The following ATP13A4 variants were observed in gnomAD, a reference collection of about 807,000 sequenced individuals.
ATP13A4 encodes probable cation-transporting ATPase 13A4.
ATP13A4 carries 114 observed loss-of-function variants against 142.5 expected under a neutral mutation model. That is an observed-to-expected ratio of 0.80 (90% CI 0.69 to 0.93). The LOEUF (loss-of-function observed/expected upper bound fraction) is 0.93, where lower values mean the gene tolerates loss of function less well. ATP13A4 is among the 40% of genes least tolerant of loss of function. The pLI is 0.00. For missense variants in ATP13A4, 1,392 were observed against 1,454.0 expected (o/e 0.96, Z 0.69); for synonymous variants, 488 against 514.8 (o/e 0.95, Z 0.70).
intron 1 of ATP13A4, among the ~76,000 whole-genome samples, chr3:193,534,259 C>T (rs1013687438): frequency 1.6e-4 from 24 of 152,160 alleles, no homozygotes; most frequent in Admixed American, 4.6e-4. Context: ...CAGAAGCTAA[C>T]GATGACATTA....
intron 2 of ATP13A4, among the ~76,000 whole-genome samples, chr3:193,561,559 T>C (rs1246047813): frequency 1.3e-5 from 2 of 152,200 alleles, no homozygotes; most frequent in East Asian, 1.9e-4. Context: ...GTACTGTACA[T>C]GTCGTTCAGT....
chr3:193,589,405 G>T (rs773395929), intron 1 of ATP13A4, among the ~76,000 whole-genome samples: 6 of 152,090 alleles, frequency 3.9e-5, no homozygotes, highest in Admixed American at 6.5e-5. Flanking sequence ...GGAACTTGGA[G>T]ATCTCCCAAG....
chr3:193,543,817 CT>C (rs1723074550), intron 1 of ATP13A4, among the ~76,000 whole-genome samples: 1 of 152,072 alleles, frequency 6.6e-6, no homozygotes, highest in African/African-American at 2.4e-5. Context: ...ATGTTTTTAC[CT>C]TTTGCATCTC....
chr3:193,441,337 C>T (rs529789692), intron 20 of ATP13A4, 129 bp downstream of exon 20: 77 of 1,187,024 alleles, frequency 6.5e-5, no homozygotes, highest in Non-Finnish European at 3.7e-6. Context: ...ATATCTGTCT[C>T]TCTTAAGATA....
Position 193,573,308 on chromosome 3 carries a change from C to CGTATATATATATATATATTCTTATAT in ATP13A4, n.291+8398_291+8399insATATAAGAATATATATATATATATAC, listed in dbSNP as rs1229145689. On this transcript the variant is annotated intron_variant and non_coding_transcript_variant, in intron 2 of 3. Coordinates refer to the ATP13A4 transcript ENST00000489140. ...ATATATACACATATATATATATATACATATATATATATATATATAATTTGT... is the reference window on the plus strand; with the variant it reads ...ATATATACACATATATATATATATACGTATATATATATATATATTCTTATATATATATATATATATATATAATTTGT... 2.1e-3 allele frequency among the ~76,000 whole-genome samples: 222 copies of CGTATATATATATATATATTCTTATAT among 103,654 alleles called. 4 individuals carry two copies. The highest frequency in any genetic ancestry group is 3.4e-3 in the Non-Finnish European group (185 of 55,214). 68.0% of individuals were successfully genotyped at this position (103,654 alleles called of 152,430 possible).
chr3:193,531,324 A>AGGGAAGGAAGAG (rs1722318494), intron 1 of ATP13A4, among the ~76,000 whole-genome samples: 1 of 118,130 alleles, frequency 8.5e-6, no homozygotes, highest in Non-Finnish European at 1.8e-5. Context: ...GGAAGGAAGG[A>AGGGAAGGAAGAG]AGGAAGGAAG....
intron 1 of ATP13A4, among the ~76,000 whole-genome samples, chr3:193,583,739 A>G (rs1489409648): frequency 1.3e-5 from 2 of 152,160 alleles, no homozygotes; most frequent in Non-Finnish European, 2.9e-5. Context: ...GAAAGCAATA[A>G]AAATAAGTAA....
At chr3:193,468,703 C>T (rs1718447804) in intron 9 of ATP13A4, among the ~76,000 whole-genome samples, 1 of 152,198 alleles carries the variant, frequency 6.6e-6, no homozygotes, top group African/African-American at 2.4e-5. Flanking sequence ...GCAGAGATCA[C>T]ACCACTGCAC....
chr3:193,472,494 G>A (rs1718682829), intron 8 of ATP13A4, among the ~76,000 whole-genome samples: 1 of 152,222 alleles, frequency 6.6e-6, no homozygotes, highest in African/African-American at 2.4e-5. Context: ...GTGAAAAGGT[G>A]AACGTTCTCG....
intron 23 of ATP13A4, among the ~76,000 whole-genome samples, chr3:193,437,632 C>T (rs1011449632): frequency 6.6e-6 from 1 of 152,042 alleles, no homozygotes; most frequent in Non-Finnish European, 1.5e-5. Flanking sequence ...CATCTCCAGG[C>T]TGTTTTGAAG....
At chr3:193,549,237 C>T (rs1207954695) in intron 1 of ATP13A4, among the ~76,000 whole-genome samples, 1 of 151,810 alleles carries the variant, frequency 6.6e-6, no homozygotes, top group South Asian at 2.1e-4. Context: ...TAATTCTAGG[C>T]CTTTACCTTA....
intron 29 of ATP13A4, chr3:193,403,716 A>G: frequency 1.0e-6 from 1 of 967,078 alleles, no homozygotes; most frequent in Non-Finnish European, 1.2e-6. Context: ...GTTATAACTT[A>G]TAATTCATGA....
At chr3:193,569,384 T>C (rs183258769) in intron 2 of ATP13A4, among the ~76,000 whole-genome samples, 3 of 152,314 alleles carry the variant, frequency 2.0e-5, no homozygotes, top group Non-Finnish European at 4.4e-5. Context: ...AAATGACAAC[T>C]AAATGCAACT....
chr3:193,542,472 A>G (rs370533291), intron 1 of ATP13A4, among the ~76,000 whole-genome samples: 2 of 152,080 alleles, frequency 1.3e-5, no homozygotes, highest in East Asian at 1.9e-4. Flanking sequence ...GAAAAAAACT[A>G]CTTTAAAATT....
chr3:193,412,051 G>T, intron 27 of ATP13A4, 127 bp downstream of exon 27: 2 of 833,498 alleles, frequency 2.4e-6, no homozygotes, highest in Non-Finnish European at 2.0e-6. Context: ...GTTTTGCAGA[G>T]TCCTAGAGTG....
At chr3:193,534,043 T>C (rs1722466656) in intron 1 of ATP13A4, among the ~76,000 whole-genome samples, 3 of 152,162 alleles carry the variant, frequency 2.0e-5, no homozygotes, top group Admixed American at 6.5e-5. Context: ...TGGGGAACAT[T>C]AGTGAGGCAT....
At chr3:193,575,986 G>A (rs1288209948) in intron 2 of ATP13A4, among the ~76,000 whole-genome samples, 5 of 152,134 alleles carry the variant, frequency 3.3e-5, no homozygotes, top group Non-Finnish European at 7.4e-5. Context: ...ATGGGGCAGG[G>A]AAGAAGGACA....
At chr3:193,530,255 C>T (rs1236770425) in intron 1 of ATP13A4, among the ~76,000 whole-genome samples, 1 of 151,662 alleles carries the variant, frequency 6.6e-6, no homozygotes, top group Non-Finnish European at 1.5e-5. Context: ...CAAATCCTGT[C>T]TCAACCTCAT....
chr3:193,551,886 C>T lies in ATP13A4; in HGVS notation c.60+2854G>A, dbSNP rs374852063. On this transcript the variant is annotated intron_variant, in intron 1 of 29. Coordinates refer to ENST00000342695, the MANE Select transcript of ATP13A4 (RefSeq NM_032279.4). Reference sequence around the variant, plus strand: ...TACCTTTGGGTCCTGTCTCATTTCGCAGTTAAAGATATTATTTTCAGGTCA... The same window carrying T: ...TACCTTTGGGTCCTGTCTCATTTCGTAGTTAAAGATATTATTTTCAGGTCA... Among the ~76,000 whole-genome samples the T allele has an allele frequency of 6.1e-4, 93 of 152,348 alleles. 1 individual carries two copies. The highest frequency in any genetic ancestry group is 2.1e-3 in the African/African-American group (89 of 41,596).
Sources: allele counts gnomAD v4.1 joint callset (sites outside exome capture counted in the v4.1 genomes callset), GRCh38; gene constraint gnomAD v4.1.1; transcripts MANE v1.5; gene names NCBI Gene and HGNC (gene_info 2026-07-23, HGNC 2026-07-21).